GCHFR: variants seen among roughly 807,000 people sequenced by gnomAD.
GCHFR encodes the protein GTP cyclohydrolase 1 feedback regulatory protein.
In GCHFR, 12 loss-of-function variants were observed where a neutral mutation model predicts 10.6. The ratio of observed to expected loss-of-function variants is 1.13; its 90% CI spans 0.72 to 1.83. GCHFR has a LOEUF of 1.83. GCHFR is among the 40% of genes most tolerant of loss of function. The pLI is 0.00. For missense variants in GCHFR, 116 were observed against 110.6 expected (o/e 1.05, Z -0.22); for synonymous variants, 54 against 43.7 (o/e 1.24, Z -0.93).
In GCHFR at chr15:40,764,597, TGA is replaced by T. The variant is rs1183002298; in HGVS notation, c.36+386_36+387del. ...GCAGGGGAAAAAAGGGCGAATAACC[TGA>T]GAGAAAGAGGTTTGGAAAAGATAAG... On this transcript the variant is annotated intron_variant, in intron 1 of 2. Transcript: ENST00000260447. 2.2e-5 allele frequency: 5 copies of T among 229,690 alleles called. No homozygotes were observed. In the East Asian group the frequency reaches 4.3e-4, roughly 20 times the overall value. The allele number at this position is 229,690 out of a possible 1,614,324, so 14.2% of individuals were successfully genotyped here.
rs1310334989 is a variant in GCHFR at position 40,765,994 on chromosome 15, T to C, written c.131+73T>C. The C allele has an allele frequency of 1.9e-5, 13 of 695,278 alleles. No individual in the cohort carries two copies. The Admixed American group carries it at 3.5e-4, about 19-fold the overall frequency. 43.1% of individuals were successfully genotyped at this position (695,278 alleles called of 1,614,324 possible). A position where few individuals can be genotyped will look rare whatever the true frequency, so the allele number is the denominator to read the frequency against. ...CTGCCTCTGCTCCCTTTATACAACC[T>C]CCAAGCCCAGGGACAGGGCCCAGCA... On this transcript the variant is annotated intron_variant, in intron 2 of 2. Coordinates refer to ENST00000260447, the MANE Select transcript of GCHFR (RefSeq NM_005258.3).
Position 40,767,314 on chromosome 15 carries a change from G to A in GCHFR, c.220G>A (p.Gly74Ser), listed in dbSNP as rs1160898515. Residue 74 changes from glycine to serine, a missense_variant, in exon 3 of 3, where the codon GGC becomes AGC. Physicochemically the swap from Gly to Ser is moderately conservative, Grantham distance 56. Transcript: ENST00000260447. Reference protein sequence around the residue: ...GFRVLSMTGVGQTLVWCLHKE With the variant: ...GFRVLSMTGVSQTLVWCLHKE ...CCGTGTGCTGAGCATGACGGGGGTG[G>A]GCCAGACGCTGGTGTGGTGTCTGCA... 1.2e-6 allele frequency: 2 copies of A among 1,603,708 alleles called. No individual in the cohort carries two copies. The highest frequency in any genetic ancestry group is 1.7e-5 in the Admixed American group (1 of 58,734).
intron 1 of GCHFR, 126 bp downstream of exon 1, chr15:40,764,342 C>A: frequency 1.3e-6 from 1 of 764,306 alleles, no homozygotes; most frequent in Non-Finnish European, 1.9e-6. Flanking sequence ...CCAGACACGC[C>A]CCCTTGGCCG....
In GCHFR at chr15:40,767,239, G is replaced by A. The variant is rs1235015789; in HGVS notation, c.145G>A (p.Val49Ile). Residue 49 changes from valine to isoleucine, a missense_variant, in exon 3 of 3, where the codon GTC (valine) becomes ATC (isoleucine). Val to Ile is a conservative substitution (Grantham distance 29). Coordinates refer to ENST00000260447, the MANE Select transcript of GCHFR (RefSeq NM_005258.3). ...GTCTCTTTGCAGTTATGAATACTAC[G>A]TCGATGACCCTCCCCGCATAGTCCT... ...ALGNNFYEYY[V>I]DDPPRIVLDK... 3.8e-6 allele frequency: 6 copies of A among 1,570,406 alleles called. No individual in the cohort carries two copies. The highest frequency in any genetic ancestry group is 1.4e-5 in the African/African-American group (1 of 72,428).
At position 40,764,186 on chromosome 15, in the gene GCHFR, C is replaced by A; in HGVS notation, c.6C>A (p.Pro2=). Residue 2 remains proline (P), a synonymous_variant, in exon 1 of 3, where the codon CCC becomes CCA. Coordinates refer to ENST00000260447, the MANE Select transcript of GCHFR (RefSeq NM_005258.3). M[P]YLLISTQIRM... Reference sequence around the variant, plus strand: ...CAGGCCGGGACGCGTGCACCATGCCCTACCTGCTCATCAGCACCCAGATCC... The same window carrying A: ...CAGGCCGGGACGCGTGCACCATGCCATACCTGCTCATCAGCACCCAGATCC... The A allele has an allele frequency of 6.4e-7, 1 of 1,557,424 alleles. No individual in the cohort carries two copies. The highest frequency in any genetic ancestry group is 2.4e-5 in the East Asian group (1 of 41,702).
At position 40,765,884 on chromosome 15, in the gene GCHFR, C is replaced by G. The variant is rs1476317616; in HGVS notation, c.94C>G (p.Leu32Val). 6.3e-7 allele frequency: 1 copy of G among 1,582,686 alleles called. No homozygotes were observed. The highest frequency in any genetic ancestry group is 8.6e-7 in the Non-Finnish European group (1 of 1,159,376). Residue 32 changes from leucine (L) to valine (V), a missense_variant, in exon 2 of 3, where the codon CTG becomes GTG. Transcript: ENST00000260447. Reference protein sequence around the residue: ...EQSDPELMQHLGASKRRALGN... With the variant: ...EQSDPELMQHVGASKRRALGN... The stretch of plus-strand genomic sequence containing the variant: ...GTCGGATCCAGAGCTGATGCAGCAT[C>G]TGGGGGCTTCAAAGAGAAGAGCCTT...
At position 40,767,609 on chromosome 15, in the gene GCHFR, T is replaced by A. The variant is rs1257596052; in HGVS notation, c.*260T>A. ...GCCGAGGGCCTTGTGTAGGCCATGT[T>A]CCTCGGGCAGCTGCCCCGGGCCGGA... On this transcript the variant is annotated 3_prime_UTR_variant, in exon 3 of 3. Coordinates refer to ENST00000260447, the MANE Select transcript of GCHFR (RefSeq NM_005258.3). 8.6e-6 allele frequency: 5 copies of A among 584,140 alleles called. No individual in the cohort carries two copies. In the East Asian group the frequency reaches 1.3e-4, roughly 15 times the overall value. The allele number at this position is 584,140 out of a possible 1,614,324, so 36.2% of individuals were successfully genotyped here.
Position 40,767,222 on chromosome 15 carries a change from G to A in GCHFR, c.132-4G>A. On this transcript the variant is annotated splice_region_variant and splice_polypyrimidine_tract_variant and intron_variant, in intron 2 of 2. Transcript: ENST00000260447. ...CTCACCCCCCCCATCCTGTCTCTTT[G>A]CAGTTATGAATACTACGTCGATGAC... 1 of 1,514,818 alleles carries A rather than the reference G, an allele frequency of 6.6e-7. No homozygotes were observed. 93.8% of individuals were successfully genotyped at this position (1,514,818 alleles called of 1,614,324 possible). A position where few individuals can be genotyped will look rare whatever the true frequency, so the allele number is the denominator to read the frequency against.
In GCHFR at chr15:40,767,501, C is replaced by A; in HGVS notation, c.*152C>A. ...GCCCCAAAGGGCAGTGAATGGCCTT[C>A]TCTGAAACCCTGCGTCAAGCAGTGG... On this transcript the variant is annotated 3_prime_UTR_variant, in exon 3 of 3. Coordinates refer to ENST00000260447, the MANE Select transcript of GCHFR (RefSeq NM_005258.3). 1.2e-6 allele frequency: 1 copy of A among 857,060 alleles called. No homozygotes were observed. Among genetic ancestry groups the A allele is most frequent in the Non-Finnish European group, 1.7e-6 (1 of 587,026 alleles). The allele number at this position is 857,060 out of a possible 1,614,324, so 53.1% of individuals were successfully genotyped here. A position where few individuals can be genotyped will look rare whatever the true frequency, so the allele number is the denominator to read the frequency against.
rs1888934594 is a variant in GCHFR at position 40,765,838 on chromosome 15, CA to C, written c.49del (p.Thr17LeufsTer12). The C allele has an allele frequency of 6.4e-7, 1 of 1,569,210 alleles. No individual in the cohort carries two copies. The highest frequency in any genetic ancestry group is 1.2e-5 in the South Asian group (1 of 86,624). ...GGCTTACCTTGCAGGAGGTGGGCCC[CA>C]CTATGGTGGGCGATGAACAGTCGGA... Reference protein sequence around the residue: ...STQIRMEVGPTMVGDEQSDPE... With the variant: ...STQIRMEVGPXMVGDEQSDPE... On this transcript the variant is annotated frameshift_variant, in exon 2 of 3. Transcript: ENST00000260447. LOFTEE classifies it high-confidence loss of function.
chr15:40,767,241 C>T lies in GCHFR; in HGVS notation c.147C>T (p.Val49=), dbSNP rs367958027. The change falls in exon 3 of 3, where the codon GTC becomes GTT. Residue 49 remains valine, a synonymous_variant. Transcript: ENST00000260447. The part of the protein sequence containing the change: ...ALGNNFYEYY[V]DDPPRIVLDK... Reference sequence around the variant, plus strand: ...CTCTTTGCAGTTATGAATACTACGTCGATGACCCTCCCCGCATAGTCCTGG... The same window carrying T: ...CTCTTTGCAGTTATGAATACTACGTTGATGACCCTCCCCGCATAGTCCTGG... The T allele has an allele frequency of 3.2e-6, 5 of 1,574,494 alleles. No homozygotes were observed. The highest frequency in any genetic ancestry group is 3.4e-6 in the Non-Finnish European group (4 of 1,160,232).
intron 2 of GCHFR, chr15:40,766,155 A>G: frequency 5.6e-6 from 2 of 360,186 alleles, no homozygotes; most frequent in Non-Finnish European, 1.0e-5. Context: ...AACCGCAGAA[A>G]CAGAGTCCGT....
Position 40,767,281 on chromosome 15 carries a change from A to G in GCHFR, c.187A>G (p.Arg63Gly), listed in dbSNP as rs1888971308. The change falls in exon 3 of 3, where the codon AGG becomes GGG. Residue 63 changes from arginine to glycine, a missense_variant. Physicochemically the swap from Arg to Gly is moderately radical, Grantham distance 125. Coordinates refer to ENST00000260447, the MANE Select transcript of GCHFR (RefSeq NM_005258.3). ...CATAGTCCTGGACAAGCTGGAACGC[A>G]GGGGCTTCCGTGTGCTGAGCATGAC... ...PRIVLDKLER[R>G]GFRVLSMTGV... 6.2e-7 allele frequency: 1 copy of G among 1,604,130 alleles called. No individual in the cohort carries two copies.
At chr15:40,764,320 C>A in intron 1 of GCHFR, 104 bp downstream of exon 1, 1 of 1,029,516 alleles carries the variant, frequency 9.7e-7, no homozygotes, top group Non-Finnish European at 1.3e-6. Context: ...GGGGACTGGA[C>A]CGGGAACCCG....
intron 2 of GCHFR, chr15:40,766,945 C>CAGACTAACA (rs1396062257): frequency 1.8e-4 from 46 of 252,002 alleles, no homozygotes; most frequent in African/African-American, 1.0e-3. Context: ...GGTCTACCAT[C>CAGACTAACA]TGGGACGCTG....
intron 2 of GCHFR, 96 bp from the exon 3 acceptor site, chr15:40,767,130 T>C: frequency 1.5e-6 from 2 of 1,332,046 alleles, no homozygotes; most frequent in Non-Finnish European, 2.0e-6. Flanking sequence ...TGTGAGTCAC[T>C]ACAAGAGTGG....
intron 1 of GCHFR, 127 bp downstream of exon 1, chr15:40,764,343 C>G: frequency 2.6e-6 from 2 of 759,204 alleles, no homozygotes; most frequent in Non-Finnish European, 3.8e-6. Context: ...CAGACACGCC[C>G]CCTTGGCCGG....
chr15:40,765,587 T>C (rs908615205), intron 1 of GCHFR: 24 of 332,812 alleles, frequency 7.2e-5, no homozygotes, highest in South Asian at 1.4e-4. Flanking sequence ...AGGCTCGTGA[T>C]ACTTTGCCTG....
In GCHFR at chr15:40,767,562, T is replaced by C. The variant is rs1888978828; in HGVS notation, c.*213T>C. 1 of 616,296 alleles carries C rather than the reference T, an allele frequency of 1.6e-6. No individual in the cohort carries two copies. Among genetic ancestry groups the C allele is most frequent in the East Asian group, 3.2e-5 (1 of 30,790 alleles). The allele number at this position is 616,296 out of a possible 1,614,324, so 38.2% of individuals were successfully genotyped here. A position where few individuals can be genotyped will look rare whatever the true frequency, so the allele number is the denominator to read the frequency against. ...TGCCCGGTGCCCTGGTGCTCCCAGC[T>C]GCCCTCCTGCTTCGGGCCTGGGCCG... On this transcript the variant is annotated 3_prime_UTR_variant, in exon 3 of 3. Coordinates refer to ENST00000260447, the MANE Select transcript of GCHFR (RefSeq NM_005258.3).
Sources: allele counts gnomAD v4.1 joint callset, GRCh38; gene constraint gnomAD v4.1.1; transcripts MANE v1.5; gene names NCBI Gene and HGNC (gene_info 2026-07-23, HGNC 2026-07-21).